Variants in OR2C1 observed in about 807,000 individuals in gnomAD.
OR2C1 encodes the protein olfactory receptor family 2 subfamily C member 1, also known as olfactory receptor 2C1.
For missense variants in OR2C1, 468 were observed against 388.3 expected (o/e 1.21, Z -1.73); for synonymous variants, 209 against 167.3 (o/e 1.25, Z -1.92).
the OR2C1 span, among the ~76,000 whole-genome samples, chr16:3,333,000 G>A: frequency 3.5e-3 from 535 of 151,962 alleles, 5 homozygotes; most frequent in African/African-American, 0.012. Flanking sequence ...CAACAACAGC[G>A]TACAAGGGTT....
At chr16:3,342,039 T>C in the OR2C1 span, among the ~76,000 whole-genome samples, 1 of 152,156 alleles carries the variant, frequency 6.6e-6, no homozygotes, top group Admixed American at 6.6e-5. Flanking sequence ...AGTGGAAATA[T>C]ACCAGATGTC....
chr16:3,341,160 A>G, the OR2C1 span, among the ~76,000 whole-genome samples: 1 of 152,004 alleles, frequency 6.6e-6, no homozygotes, highest in Non-Finnish European at 1.5e-5. Context: ...CAAGTCTTTC[A>G]TCTACTTGGT....
chr16:3,356,029 C>G lies in OR2C1; in HGVS notation c.89C>G (p.Ala30Gly). The G allele has an allele frequency of 2.5e-6, 4 of 1,613,910 alleles. No homozygotes were observed. Among genetic ancestry groups the G allele is most frequent in the Non-Finnish European group, 3.4e-6 (4 of 1,179,828 alleles). Residue 30 changes from alanine to glycine, a missense_variant, in exon 1 of 1, where the codon GCC (alanine) becomes GGC (glycine). Ala to Gly is a moderately conservative substitution (Grantham distance 60, BLOSUM62 0). Transcript: ENST00000304936. ...CAGCTGGAGATGATCTTTTTTATAG[C>G]CATCCTCTTCTCCTATTTGCTGACC... ...HPQLEMIFFI[A>G]ILFSYLLTLL...
At chr16:3,331,794 T>G in the OR2C1 span, among the ~76,000 whole-genome samples, 1 of 149,724 alleles carries the variant, frequency 6.7e-6, no homozygotes, top group Admixed American at 6.7e-5. Flanking sequence ...TATTGCGGCA[T>G]TATTCACAAT....
Position 3,357,026 on chromosome 16 carries a change from T to C in OR2C1, c.*147T>C. On this transcript the variant is annotated 3_prime_UTR_variant, in exon 1 of 1. Transcript: ENST00000304936. ...CCCTAAGCTGACAGCCCTAAGCTGT[T>C]GGGAACATGGTTAGTGTTATTCGTA... is the stretch of plus-strand genomic sequence containing the variant. 1 of 684,022 alleles carries C rather than the reference T, an allele frequency of 1.5e-6. No homozygotes were observed. Among genetic ancestry groups the C allele is most frequent in the Non-Finnish European group, 2.5e-6 (1 of 401,740 alleles). 42.4% of individuals were successfully genotyped at this position (684,022 alleles called of 1,614,324 possible).
At chr16:3,341,923 C>T in the OR2C1 span, among the ~76,000 whole-genome samples, 2 of 152,252 alleles carry the variant, frequency 1.3e-5, no homozygotes, top group South Asian at 4.1e-4. Context: ...TTCCATGAAA[C>T]CCAACAAGAG....
the OR2C1 span, among the ~76,000 whole-genome samples, chr16:3,333,210 CATTTTTTTTTTTTTTTTTTT>C: frequency 3.3e-4 from 11 of 33,050 alleles, 1 homozygote; most frequent in Non-Finnish European, 6.0e-4. Context: ...ATCTTTTGCC[CATTTTTTTTTTTTTTTTTTT>C]TTTTTTTTTT....
chr16:3,323,256 A>G, the OR2C1 span: 1 of 794,628 alleles, frequency 1.3e-6, no homozygotes, highest in African/African-American at 1.7e-5. Flanking sequence ...CTCCTTGAGG[A>G]AGCCCACTGT....
the OR2C1 span, among the ~76,000 whole-genome samples, chr16:3,345,433 C>T: frequency 4.0e-5 from 6 of 151,368 alleles, no homozygotes; most frequent in Non-Finnish European, 2.9e-5. Flanking sequence ...TTGCAGTGAA[C>T]GGAGATCGCA....
At chr16:3,351,220 C>CTTTCT (rs2030568553), upstream of OR2C1, among the ~76,000 whole-genome samples, 8 of 18,648 alleles carry the variant, frequency 4.3e-4, no homozygotes, top group African/African-American at 1.5e-3. Flanking sequence ...TTTTCTTTTT[C>CTTTCT]TTTTTCTTTT....
the OR2C1 span, among the ~76,000 whole-genome samples, chr16:3,337,074 C>G: frequency 3.3e-5 from 5 of 151,006 alleles, no homozygotes; most frequent in African/African-American, 1.2e-4. Context: ...AGGCTGGTCT[C>G]GAACTCCTGA....
At chr16:3,354,726 C>T (rs879891565), upstream of OR2C1, among the ~76,000 whole-genome samples, 12 of 152,138 alleles carry the variant, frequency 7.9e-5, no homozygotes, top group Admixed American at 1.3e-4. Flanking sequence ...AATGTGTCTG[C>T]TTCCCCCCTT....
the OR2C1 span, among the ~76,000 whole-genome samples, chr16:3,334,160 A>G: frequency 6.8e-6 from 1 of 147,114 alleles, no homozygotes. Context: ...TTTTTTTCAG[A>G]TGGAGTATCA....
the OR2C1 span, among the ~76,000 whole-genome samples, chr16:3,335,368 T>C: frequency 6.6e-6 from 1 of 152,150 alleles, no homozygotes; most frequent in Non-Finnish European, 1.5e-5. Flanking sequence ...TCACCAGTGT[T>C]TTATAGTTAT....
At chr16:3,337,892 G>T in the OR2C1 span, among the ~76,000 whole-genome samples, 102 of 152,242 alleles carry the variant, frequency 6.7e-4, no homozygotes, top group African/African-American at 2.2e-3. Flanking sequence ...CATTGAATGT[G>T]TTTTCTTAGG....
chr16:3,350,124 C>T, the OR2C1 span, among the ~76,000 whole-genome samples: 2 of 121,732 alleles, frequency 1.6e-5, no homozygotes, highest in Admixed American at 1.0e-4. Flanking sequence ...GGCAAGATCT[C>T]GGCTCACTGC....
At chr16:3,354,253 G>C (rs1006952344), upstream of OR2C1, among the ~76,000 whole-genome samples, 7 of 152,110 alleles carry the variant, frequency 4.6e-5, no homozygotes, top group African/African-American at 1.7e-4. Context: ...CCAAAGTGTT[G>C]GGATTACAGG....
chr16:3,327,078 T>C, the OR2C1 span, among the ~76,000 whole-genome samples: 1 of 152,110 alleles, frequency 6.6e-6, no homozygotes, highest in African/African-American at 2.4e-5. Flanking sequence ...ATAATATATA[T>C]AGGAAATGGA....
Position 3,356,183 on chromosome 16 carries a change from G to C in OR2C1, c.243G>C (p.Met81Ile). ...TCGCTACTAGTTCAGTCCCCCAAAT[G>C]CTGATCAATTTATGGGGACCAGGCA... is the stretch of plus-strand genomic sequence containing the variant. ...LAFATSSVPQ[M>I]LINLWGPGKT... The change falls in exon 1 of 1, where the codon ATG becomes ATC. Residue 81 changes from methionine to isoleucine, a missense_variant. By Grantham distance (10) the Met-to-Ile change is conservative. Coordinates refer to ENST00000304936, the MANE Select transcript of OR2C1 (RefSeq NM_012368.3). 6 of 1,614,174 alleles carry C rather than the reference G, an allele frequency of 3.7e-6. No individual in the cohort carries two copies. Among genetic ancestry groups the C allele is most frequent in the Non-Finnish European group, 5.1e-6 (6 of 1,180,038 alleles).
Sources: gnomAD v4.1 joint callset for allele counts (sites outside exome capture counted in the v4.1 genomes callset) on GRCh38, gnomAD v4.1.1 for gene constraint, MANE v1.5 for transcripts, NCBI Gene and HGNC (gene_info 2026-07-23, HGNC 2026-07-21) for gene names.